The following CDC25C variants were observed in gnomAD, a reference collection of about 807,000 sequenced individuals.
CDC25C encodes M-phase inducer phosphatase 3.
CDC25C carries 48 observed loss-of-function variants against 52.5 expected under a neutral mutation model. The ratio of observed to expected loss-of-function variants is 0.91; its 90% CI spans 0.72 to 1.16. CDC25C has a LOEUF of 1.16. CDC25C is among the 50% of genes most tolerant of loss of function. The pLI, the probability that CDC25C is intolerant of heterozygous loss-of-function variation, is 0.00. For synonymous variants in CDC25C, 187 were observed against 206.5 expected (o/e 0.91, Z 0.81); for missense variants, 510 against 566.1 (o/e 0.90, Z 1.01).
chr5:138,301,587 A>G (rs1446520645), intron 7 of CDC25C, among the ~76,000 whole-genome samples: 1 of 152,084 alleles, frequency 6.6e-6, no homozygotes, highest in Non-Finnish European at 1.5e-5. Context: ...ATTATTTGCA[A>G]ATCATTTCAT....
chr5:138,304,488 C>T (rs896981458), intron 7 of CDC25C, among the ~76,000 whole-genome samples: 1 of 150,820 alleles, frequency 6.6e-6, no homozygotes, highest in Non-Finnish European at 1.5e-5. Flanking sequence ...CCTACTCTTA[C>T]CTGCTTCCAA....
chr5:138,289,928 G>A (rs1361006035), intron 9 of CDC25C, among the ~76,000 whole-genome samples: 1 of 151,820 alleles, frequency 6.6e-6, no homozygotes, highest in African/African-American at 2.4e-5. Flanking sequence ...GGCTGGGCAT[G>A]GTGGCTCATG....
chr5:138,331,031 C>T lies in CDC25C; in HGVS notation c.150G>A (p.Val50=), dbSNP rs1760331029. Residue 50 remains valine (V), a synonymous_variant, in exon 2 of 14, where the codon GTG becomes GTA. Transcript: ENST00000323760. The part of the protein sequence containing the change: ...TVCPDVPRTP[V]GKFLGDSANL... ...TTGCAGAATCACCAAGAAATTTGCC[C>T]ACTGGAGTTCTAGGGACATCTGGAC... 13 of 1,613,984 alleles carry T rather than the reference C, an allele frequency of 8.1e-6. No individual in the cohort carries two copies. Among genetic ancestry groups the T allele is most frequent in the Non-Finnish European group, 1.1e-5 (13 of 1,179,978 alleles).
At chr5:138,337,979 G>T in exon 1 of CDC25C, 1 of 1,289,666 alleles carries the variant, frequency 7.8e-7, no homozygotes, top group Non-Finnish European at 1.0e-6. Flanking sequence ...GGCCTCCCCC[G>T]CGGGTTTCAA....
intron 7 of CDC25C, among the ~76,000 whole-genome samples, chr5:138,305,085 G>A (rs1757907619): frequency 6.6e-6 from 1 of 152,100 alleles, no homozygotes; most frequent in Admixed American, 6.6e-5. Flanking sequence ...TGGGGCCTCT[G>A]TACCTGCAAC....
At chr5:138,326,147 C>A (rs922389666) in intron 4 of CDC25C, 93 bp from the exon 5 acceptor site, 102 of 1,299,656 alleles carry the variant, frequency 7.8e-5, no homozygotes, top group Non-Finnish European at 6.5e-5. Context: ...TTTTCTATTT[C>A]ATTCTAGGAG....
At chr5:138,327,028 G>C (rs370921230) in intron 4 of CDC25C, among the ~76,000 whole-genome samples, 47 of 151,360 alleles carry the variant, frequency 3.1e-4, no homozygotes, top group African/African-American at 1.0e-3. Flanking sequence ...AGGCCAAGGC[G>C]GGCGGATCAC....
At position 138,317,682 on chromosome 5, in the gene CDC25C, T is replaced by TAAAA. The variant is rs70982706; in HGVS notation, c.615+1533_615+1536dup. 2.0e-4 allele frequency among the ~76,000 whole-genome samples: 11 copies of TAAAA among 54,226 alleles called. 1 individual carries two copies. Among genetic ancestry groups the TAAAA allele is most frequent in the African/African-American group, 7.0e-4 (9 of 12,914 alleles). The allele number at this position is 54,226 out of a possible 152,430, so 35.6% of individuals were successfully genotyped here. A position where few individuals can be genotyped will look rare whatever the true frequency, so the allele number is the denominator to read the frequency against. On this transcript the variant is annotated intron_variant, in intron 7 of 13. Coordinates refer to ENST00000323760, the MANE Select transcript of CDC25C (RefSeq NM_001790.5). ...GCTACAGAGAAAGACCCTGTCTATC[T>TAAAA]AAAAAAAAAAAAAAAAAAAAAAAAA...
intron 6 of CDC25C, among the ~76,000 whole-genome samples, chr5:138,321,220 C>T (rs2126801667): frequency 6.6e-6 from 1 of 152,170 alleles, no homozygotes; most frequent in South Asian, 2.1e-4. Flanking sequence ...GGAGTTATCA[C>T]TTAAGGGTAT....
At chr5:138,329,124 C>T (rs892480548) in intron 3 of CDC25C, among the ~76,000 whole-genome samples, 7 of 152,034 alleles carry the variant, frequency 4.6e-5, no homozygotes, top group Non-Finnish European at 8.8e-5. Flanking sequence ...AGGATGGTCT[C>T]GATCTCTTGA....
At chr5:138,329,045 C>T (rs1186488092) in intron 3 of CDC25C, among the ~76,000 whole-genome samples, 1 of 152,168 alleles carries the variant, frequency 6.6e-6, no homozygotes, top group Admixed American at 6.5e-5. Flanking sequence ...GCTGGGCCTA[C>T]AGGCACGTGC....
In CDC25C at chr5:138,331,744, A is replaced by G. The variant is rs1187172005; in HGVS notation, c.-188T>C. 6 of 988,276 alleles carry G rather than the reference A, an allele frequency of 6.1e-6. No individual in the cohort carries two copies. Among genetic ancestry groups the G allele is most frequent in the Non-Finnish European group, 6.0e-6 (5 of 831,478 alleles). 61.2% of individuals were successfully genotyped at this position (988,276 alleles called of 1,614,324 possible). A position where few individuals can be genotyped will look rare whatever the true frequency, so the allele number is the denominator to read the frequency against. On this transcript the variant is annotated 5_prime_UTR_variant, in exon 1 of 14. Transcript: ENST00000323760. ...GCTCTGCCTTCCGACTGGGTAGGCC[A>G]ACGTCGGACTCAGAGTCTTCCCTGA...
Position 138,289,422 on chromosome 5 carries a change from T to G in CDC25C, c.927+79A>C, listed in dbSNP as rs1259641196. On this transcript the variant is annotated intron_variant, in intron 10 of 13. Coordinates refer to ENST00000323760, the MANE Select transcript of CDC25C (RefSeq NM_001790.5). ...GTGAACACAGTGAAAGAAATACAAA[T>G]GGAAATGGGCATTTTAGGGACAGAA... The G allele has an allele frequency of 3.0e-6, 3 of 1,003,358 alleles. No individual in the cohort carries two copies. In the Admixed American group the frequency reaches 5.2e-5, roughly 17 times the overall value. 62.2% of individuals were successfully genotyped at this position (1,003,358 alleles called of 1,614,324 possible).
intron 6 of CDC25C, among the ~76,000 whole-genome samples, chr5:138,320,769 C>A (rs1344468472): frequency 6.6e-6 from 1 of 151,600 alleles, no homozygotes; most frequent in Non-Finnish European, 1.5e-5. Flanking sequence ...CAAAAAAATT[C>A]ACCAGGCATG....
intron 7 of CDC25C, among the ~76,000 whole-genome samples, chr5:138,313,113 C>T (rs958422986): frequency 4.0e-5 from 6 of 151,812 alleles, no homozygotes; most frequent in African/African-American, 1.2e-4. Context: ...TGCAGTGGCT[C>T]ACCTGTAATC....
At chr5:138,288,674 A>G (rs1374681569) in intron 10 of CDC25C, among the ~76,000 whole-genome samples, 1 of 152,202 alleles carries the variant, frequency 6.6e-6, no homozygotes, top group Non-Finnish European at 1.5e-5. Context: ...CCTGGGCAAC[A>G]AGAGCGAAAC....
upstream of CDC25C, among the ~76,000 whole-genome samples, chr5:138,336,199 C>T (rs1480385563): frequency 6.6e-6 from 1 of 150,430 alleles, no homozygotes; most frequent in South Asian, 2.1e-4. Flanking sequence ...GTGGCACAAT[C>T]TCGGCTCACT....
chr5:138,299,368 C>T (rs1307757720), intron 7 of CDC25C, among the ~76,000 whole-genome samples: 4 of 146,902 alleles, frequency 2.7e-5, no homozygotes, highest in African/African-American at 5.0e-5. Context: ...TGGTAGGGTA[C>T]GCCTGTAATC....
chr5:138,286,761 G>T, intron 11 of CDC25C, 131 bp from the exon 12 acceptor site: 1 of 760,328 alleles, frequency 1.3e-6, no homozygotes, highest in Non-Finnish European at 2.1e-6. Context: ...CTTTAGGGCA[G>T]GGGTCTAAGT....
Sources: allele counts gnomAD v4.1 joint callset (sites outside exome capture counted in the v4.1 genomes callset), GRCh38; gene constraint gnomAD v4.1.1; transcripts MANE v1.5; gene names NCBI Gene and HGNC (gene_info 2026-07-23, HGNC 2026-07-21).